Variants in CASTOR2 observed in about 807,000 individuals in gnomAD.
CASTOR2 encodes the protein GATS protein like 2.
CASTOR2 carries 8 observed loss-of-function variants against 31.2 expected under a neutral mutation model. The observed-to-expected ratio is 0.26, with a 90% CI of 0.15 to 0.46. The LOEUF (loss-of-function observed/expected upper bound fraction) is 0.46, where lower values mean the gene tolerates loss of function less well. Ranked by LOEUF, CASTOR2 falls within the 20% of genes least tolerant of loss-of-function variation. CASTOR2 has a pLI of 0.99. For missense variants in CASTOR2, 216 were observed against 382.1 expected, an observed-to-expected ratio of 0.57 and a Z score of 3.62; for synonymous variants, 162 against 158.7, an observed-to-expected ratio of 1.02 and a Z score of -0.16.
chr7:75,007,908 T>C, intron 1 of CASTOR2, 86 bp from the exon 2 acceptor site: 1 of 1,601,460 alleles, frequency 6.2e-7, no homozygotes, highest in Admixed American at 1.7e-5. Context: ...GTGAACTGAG[T>C]CATCATCCCC....
chr7:75,009,884 A>ATTT (rs1186959059), intron 2 of CASTOR2, among the ~76,000 whole-genome samples: 3 of 128,688 alleles, frequency 2.3e-5, no homozygotes, highest in African/African-American at 5.8e-5. Context: ...CAGGCACTTA[A>ATTT]TTTTTTTTTT....
At chr7:75,017,217 T>C (rs74686196) in intron 2 of CASTOR2, among the ~76,000 whole-genome samples, 42,230 of 151,880 alleles carry the variant, frequency 0.28, 6,225 homozygotes, top group Middle Eastern at 0.43. Context: ...GGGAGGCTGA[T>C]GCGGGCGGAT....
chr7:75,021,843 C>A (rs1805012846), intron 6 of CASTOR2, 31 bp from the exon 7 acceptor site: 2 of 1,551,424 alleles, frequency 1.3e-6, no homozygotes, highest in Non-Finnish European at 8.7e-7. Flanking sequence ...TCACATCAGC[C>A]TCGGGGATTC....
chr7:75,024,430 C>A lies in CASTOR2; in HGVS notation c.830-10C>A. ...TACACAGAGGCTAAGGACGGTCTCTCCTGTTCTAGATGAGTGTGGCATCGT... is the reference window on the plus strand; with the variant it reads ...TACACAGAGGCTAAGGACGGTCTCTACTGTTCTAGATGAGTGTGGCATCGT... On this transcript the variant is annotated splice_polypyrimidine_tract_variant and intron_variant, in intron 7 of 8. Transcript: ENST00000616305. 1 of 1,551,542 alleles carries A rather than the reference C, an allele frequency of 6.4e-7. No homozygotes were observed. The highest frequency in any genetic ancestry group is 8.7e-7 in the Non-Finnish European group (1 of 1,146,834).
At chr7:75,002,344 C>T (rs1365554663) in intron 1 of CASTOR2, among the ~76,000 whole-genome samples, 51 of 151,614 alleles carry the variant, frequency 3.4e-4, no homozygotes, top group Non-Finnish European at 6.2e-4. Flanking sequence ...TTAGGCTGGG[C>T]GAGGTGGGTC....
At chr7:75,013,249 C>G (rs1401889405) in intron 2 of CASTOR2, among the ~76,000 whole-genome samples, 2 of 152,236 alleles carry the variant, frequency 1.3e-5, no homozygotes, top group Non-Finnish European at 2.9e-5. Flanking sequence ...AAGCTAGCAG[C>G]TGGCCATGGT....
intron 1 of CASTOR2, among the ~76,000 whole-genome samples, chr7:74,994,696 G>C (rs1804297154): frequency 6.6e-6 from 1 of 151,892 alleles, no homozygotes; most frequent in Non-Finnish European, 1.5e-5. Context: ...GTTGCGGTGA[G>C]CCGAGATTGT....
In CASTOR2 at chr7:75,020,063, G is replaced by A. The variant is rs1030167262; in HGVS notation, c.660G>A (p.Gly220=). The change falls in exon 6 of 9, where the codon GGG becomes GGA. Residue 220 remains glycine (G), a synonymous_variant. Coordinates refer to ENST00000616305, the MANE Select transcript of CASTOR2 (RefSeq NM_001145064.3). The part of the protein sequence containing the change: ...SNGVKDPMAT[G]DDCGHIRFFS... Reference sequence around the variant, plus strand: ...GAGTGAAGGACCCCATGGCCACTGGGGATGACTGCGGCCACATCCGCTTCT... The same window carrying A: ...GAGTGAAGGACCCCATGGCCACTGGAGATGACTGCGGCCACATCCGCTTCT... The A allele has an allele frequency of 6.4e-7, 1 of 1,551,324 alleles. No homozygotes were observed. Among genetic ancestry groups the A allele is most frequent in the African/African-American group, 1.4e-5 (1 of 73,042 alleles).
At position 75,027,144 on chromosome 7, in the gene CASTOR2, C is replaced by T. The variant is rs1805157875; in HGVS notation, c.*2445C>T. 1 of 152,200 alleles carries T rather than the reference C, an allele frequency of 6.6e-6. No individual in the cohort carries two copies. 9.4% of individuals were successfully genotyped at this position (152,200 alleles called of 1,614,324 possible). A position where few individuals can be genotyped will look rare whatever the true frequency, so the allele number is the denominator to read the frequency against. On this transcript the variant is annotated 3_prime_UTR_variant, in exon 9 of 9. Coordinates refer to ENST00000616305, the MANE Select transcript of CASTOR2 (RefSeq NM_001145064.3). ...TTTGAGCCACCATATATTTTTAATT[C>T]AAGTATATAGGCAATACGATTATTA...
At chr7:75,016,721 C>A (rs1365313413) in intron 2 of CASTOR2, among the ~76,000 whole-genome samples, 1 of 152,198 alleles carries the variant, frequency 6.6e-6, no homozygotes, top group African/African-American at 2.4e-5. Flanking sequence ...ACTACTGATG[C>A]CATCGTTTTA....
Position 75,026,189 on chromosome 7 carries a change from G to GTTGTTTTTTTTTTTTTT in CASTOR2, c.*1492_*1493insGTTTTTTTTTTTTTTTT, listed in dbSNP as rs1554440885. On this transcript the variant is annotated 3_prime_UTR_variant, in exon 9 of 9. Coordinates refer to ENST00000616305, the MANE Select transcript of CASTOR2 (RefSeq NM_001145064.3). ...CCCTGTGGTTTTGGCTCTGGCGGGG[G>GTTGTTTTTTTTTTTTTT]TTTTTTTTTTTTTTTTTGAGATGGG... is the stretch of plus-strand genomic sequence containing the variant. 8.5e-6 allele frequency among the ~76,000 whole-genome samples: 1 copy of GTTGTTTTTTTTTTTTTT among 117,744 alleles called. No individual in the cohort carries two copies. The highest frequency in any genetic ancestry group is 1.8e-5 in the Non-Finnish European group (1 of 56,722). The allele number at this position is 117,744 out of a possible 152,430, so 77.2% of individuals were successfully genotyped here.
rs923272651 is a variant in CASTOR2 at position 75,024,835 on chromosome 7, C to T, written c.*136C>T. ...AAGGGGCCTCTGTGGGAGACTCCCTCGATTGCCAATCCCTCCAGGGCAGGG... is the reference window on the plus strand; with the variant it reads ...AAGGGGCCTCTGTGGGAGACTCCCTTGATTGCCAATCCCTCCAGGGCAGGG... On this transcript the variant is annotated 3_prime_UTR_variant, in exon 9 of 9. Transcript: ENST00000616305. 19 of 1,546,708 alleles carry T rather than the reference C, an allele frequency of 1.2e-5. No homozygotes were observed. The Admixed American group carries it at 2.2e-4, about 18-fold the overall frequency.
At chr7:75,016,029 G>A (rs1804855344) in intron 2 of CASTOR2, among the ~76,000 whole-genome samples, 1 of 152,044 alleles carries the variant, frequency 6.6e-6, no homozygotes. Context: ...TCATGCCAAT[G>A]TACTCCAGCC....
rs2523320 is a variant in CASTOR2, at chr7:74,982,430, T to C, written c.113+17332T>C. On this transcript the variant is annotated intron_variant, in intron 1 of 8. Transcript: ENST00000616305. Reference sequence around the variant, plus strand: ...GCATCTGTAAGGGCAGATCTCGCGGTGAATTTCCTGGGTGACTCCTTTGCA... The same window carrying C: ...GCATCTGTAAGGGCAGATCTCGCGGCGAATTTCCTGGGTGACTCCTTTGCA... Among the ~76,000 whole-genome samples, 650 of 151,766 alleles carry C rather than the reference T, an allele frequency of 4.3e-3. 19 individuals are homozygous for C. The highest frequency in any genetic ancestry group is 0.015 in the African/African-American group (608 of 41,190).
intron 1 of CASTOR2, among the ~76,000 whole-genome samples, chr7:74,996,245 G>A (rs2131935821): frequency 6.6e-6 from 1 of 152,166 alleles, no homozygotes; most frequent in East Asian, 1.9e-4. Flanking sequence ...CAGCCGAGGG[G>A]CCCCCAGGAA....
At position 75,024,430 on chromosome 7, in the gene CASTOR2, C is replaced by T. The variant is rs1805075836; in HGVS notation, c.830-10C>T. ...TACACAGAGGCTAAGGACGGTCTCT[C>T]CTGTTCTAGATGAGTGTGGCATCGT... On this transcript the variant is annotated splice_polypyrimidine_tract_variant and intron_variant, in intron 7 of 8. Transcript: ENST00000616305. 14 of 1,551,424 alleles carry T rather than the reference C, an allele frequency of 9.0e-6. No homozygotes were observed. Among genetic ancestry groups the T allele is most frequent in the African/African-American group, 1.4e-5 (1 of 73,048 alleles).
chr7:74,998,079 C>T (rs1804394726), intron 1 of CASTOR2, among the ~76,000 whole-genome samples: 1 of 152,022 alleles, frequency 6.6e-6, no homozygotes, highest in African/African-American at 2.4e-5. Context: ...CTACAAGTCC[C>T]CCCTGCCTTC....
chr7:74,984,429 C>T (rs1382439346), intron 1 of CASTOR2, among the ~76,000 whole-genome samples: 1 of 152,122 alleles, frequency 6.6e-6, no homozygotes, highest in African/African-American at 2.4e-5. Flanking sequence ...GCCATGTGAC[C>T]TACATGGGGT....
intron 2 of CASTOR2, among the ~76,000 whole-genome samples, chr7:75,010,760 C>T (rs1804724057): frequency 6.6e-6 from 1 of 152,150 alleles, no homozygotes; most frequent in African/African-American, 2.4e-5. Context: ...GGCTTCCCTT[C>T]CAGGGTGCGT....
Sources: gnomAD v4.1 joint callset for allele counts (sites outside exome capture counted in the v4.1 genomes callset) on GRCh38, gnomAD v4.1.1 for gene constraint, MANE v1.5 for transcripts, NCBI Gene and HGNC (gene_info 2026-07-23, HGNC 2026-07-21) for gene names.